Variants in ABCD2 observed in about 807,000 individuals in gnomAD.
The protein encoded by ABCD2 is ATP binding cassette subfamily D member 2, also known as ATP-binding cassette sub-family D member 2.
Under a neutral mutation model 70.9 loss-of-function variants are expected in ABCD2, and 36 were observed. The ratio of observed to expected loss-of-function variants is 0.51; its 90% confidence interval spans 0.39 to 0.67. The LOEUF (loss-of-function observed/expected upper bound fraction) is 0.67. Ranked by LOEUF, ABCD2 falls within the 30% of genes least tolerant of loss-of-function variation. The pLI, the probability that ABCD2 is intolerant of heterozygous loss-of-function variation, is 0.00. For missense variants in ABCD2, 729 were observed against 890.2 expected (o/e 0.82, Z 2.30); for synonymous variants, 304 against 306.9 (o/e 0.99, Z 0.10).
At chr12:39,573,957 T>A in intron 8 of ABCD2, 116 bp from the exon 9 acceptor site, 1 of 1,006,246 alleles carries the variant, frequency 9.9e-7, no homozygotes, top group Non-Finnish European at 1.4e-6. Context: ...GACTATGGCA[T>A]TATTAAAGGC....
At chr12:39,565,842 T>C (rs1941337425) in intron 9 of ABCD2, among the ~76,000 whole-genome samples, 1 of 152,104 alleles carries the variant, frequency 6.6e-6, no homozygotes, top group African/African-American at 2.4e-5. Flanking sequence ...GCATGAAGGG[T>C]TGTTGAATTT....
chr12:39,564,366 G>C (rs1166705858), intron 9 of ABCD2, among the ~76,000 whole-genome samples: 1 of 152,124 alleles, frequency 6.6e-6, no homozygotes, highest in East Asian at 1.9e-4. Flanking sequence ...GATTTGCATT[G>C]CTCTGATGGC....
rs1213915349 is a variant in ABCD2 at position 39,553,126 on chromosome 12, C to T, written c.*786G>A. On this transcript the variant is annotated 3_prime_UTR_variant, in exon 10 of 10. Transcript: ENST00000308666. ...ACTCATCCTTGGGCAAAAAAACAAG[C>T]TGTGTATTTCTGAACAGAAGTTGCA... 6.6e-6 allele frequency: 1 copy of T among 151,864 alleles called. No individual in the cohort carries two copies. The highest frequency in any genetic ancestry group is 1.5e-5 in the Non-Finnish European group (1 of 67,852). 9.4% of individuals were successfully genotyped at this position (151,864 alleles called of 1,614,324 possible). A position where few individuals can be genotyped will look rare whatever the true frequency, so the allele number is the denominator to read the frequency against.
intron 6 of ABCD2, among the ~76,000 whole-genome samples, chr12:39,598,894 C>A (rs920927442): frequency 3.3e-5 from 5 of 152,108 alleles, no homozygotes; most frequent in African/African-American, 1.2e-4. Context: ...TAAATAAATT[C>A]TATGGTTTTT....
chr12:39,546,039 T>G (rs1198591419), downstream of ABCD2, among the ~76,000 whole-genome samples: 1 of 152,158 alleles, frequency 6.6e-6, no homozygotes, highest in Non-Finnish European at 1.5e-5. Flanking sequence ...TTGGGAAGAT[T>G]TAAACCAGTG....
At chr12:39,570,922 A>G (rs183248671) in intron 9 of ABCD2, among the ~76,000 whole-genome samples, 4 of 152,326 alleles carry the variant, frequency 2.6e-5, no homozygotes, top group Admixed American at 2.6e-4. Context: ...CCTGATTACA[A>G]AATGGACAGA....
At chr12:39,602,633 C>T (rs901279883) in intron 5 of ABCD2, among the ~76,000 whole-genome samples, 4 of 152,194 alleles carry the variant, frequency 2.6e-5, no homozygotes, top group South Asian at 2.1e-4. Context: ...GTATACTTTA[C>T]TAATGCATAT....
the ABCD2 span, among the ~76,000 whole-genome samples, chr12:39,538,845 C>A: frequency 6.6e-6 from 1 of 152,118 alleles, no homozygotes; most frequent in South Asian, 2.1e-4. Flanking sequence ...AACACGTACC[C>A]CTGAAGATCT....
the ABCD2 span, among the ~76,000 whole-genome samples, chr12:39,541,850 G>A: frequency 6.6e-6 from 1 of 152,288 alleles, no homozygotes; most frequent in East Asian, 1.9e-4. Flanking sequence ...CAACATTAAT[G>A]AACTTCATGC....
downstream of ABCD2, among the ~76,000 whole-genome samples, chr12:39,547,927 T>C (rs1202156582): frequency 7.5e-6 from 1 of 133,984 alleles, no homozygotes; most frequent in Non-Finnish European, 1.5e-5. Context: ...CATGTGTGTA[T>C]GTGTGTCAGG....
intron 6 of ABCD2, among the ~76,000 whole-genome samples, chr12:39,597,380 T>C (rs578119090): frequency 6.6e-6 from 1 of 152,238 alleles, no homozygotes; most frequent in Non-Finnish European, 1.5e-5. Context: ...GGGGCTTTCA[T>C]GGATGAAGAC....
At chr12:39,576,514 C>A (rs117936890) in intron 8 of ABCD2, among the ~76,000 whole-genome samples, 2,152 of 152,082 alleles carry the variant, frequency 0.014, 25 homozygotes, top group South Asian at 0.03. Context: ...AAGGGGTATC[C>A]CAAAATACAC....
At chr12:39,548,048 G>A (rs1941043480), downstream of ABCD2, among the ~76,000 whole-genome samples, 1 of 152,072 alleles carries the variant, frequency 6.6e-6, no homozygotes, top group Non-Finnish European at 1.5e-5. Context: ...TGTACTTCCA[G>A]TTTCCAATTT....
chr12:39,604,272 G>T (rs1018500064), intron 4 of ABCD2, among the ~76,000 whole-genome samples: 2 of 151,772 alleles, frequency 1.3e-5, no homozygotes, highest in African/African-American at 2.4e-5. Flanking sequence ...CAATAGCAAA[G>T]CTATACAATC....
intron 6 of ABCD2, among the ~76,000 whole-genome samples, chr12:39,595,050 AGTGACACTCT>A (rs1941797923): frequency 6.6e-6 from 1 of 152,136 alleles, no homozygotes; most frequent in African/African-American, 2.4e-5. Context: ...TGGGTGACAG[AGTGACACTCT>A]GTTTCAAAAA....
At position 39,612,581 on chromosome 12, in the gene ABCD2, T is replaced by C. The variant is rs576011187; in HGVS notation, c.1120+4407A>G. On this transcript the variant is annotated intron_variant, in intron 2 of 9. Transcript: ENST00000308666. Reference sequence around the variant, plus strand: ...GACAACTCATTAACTGGTACACTAATGATTATGCCCATATTGGCATATATG... The same window carrying C: ...GACAACTCATTAACTGGTACACTAACGATTATGCCCATATTGGCATATATG... Among the ~76,000 whole-genome samples, 10 of 152,372 alleles carry C rather than the reference T, an allele frequency of 6.6e-5. No individual in the cohort carries two copies. In the South Asian group the frequency reaches 1.7e-3, roughly 25 times the overall value.
intron 7 of ABCD2, among the ~76,000 whole-genome samples, chr12:39,581,658 C>CT (rs1008786823): frequency 6.6e-6 from 1 of 151,964 alleles, no homozygotes; most frequent in African/African-American, 2.4e-5. Flanking sequence ...CTGGGCTTAA[C>CT]TTTTTTTTCC....
At chr12:39,597,329 T>G (rs904248811) in intron 6 of ABCD2, among the ~76,000 whole-genome samples, 6 of 152,200 alleles carry the variant, frequency 3.9e-5, no homozygotes, top group African/African-American at 1.4e-4. Context: ...TAAAATTTTG[T>G]TAGCAGGTGA....
chr12:39,616,521 T>C (rs887711446), intron 2 of ABCD2, among the ~76,000 whole-genome samples: 1 of 152,110 alleles, frequency 6.6e-6, no homozygotes, highest in African/African-American at 2.4e-5. Context: ...TATTCCTGCT[T>C]GCCCATTGTA....
Sources: allele counts gnomAD v4.1 joint callset (sites outside exome capture counted in the v4.1 genomes callset), GRCh38; gene constraint gnomAD v4.1.1; transcripts MANE v1.5; gene names NCBI Gene and HGNC (gene_info 2026-07-23, HGNC 2026-07-21).